JAK1: variants seen among roughly 807,000 people sequenced by gnomAD.
JAK1 encodes tyrosine-protein kinase JAK1.
A neutral mutation model predicts 136.6 loss-of-function variants in JAK1; 16 were observed. The observed-to-expected ratio is 0.12, with a 90% CI of 0.08 to 0.18. JAK1 has a LOEUF of 0.18. JAK1 is among the 10% of genes least tolerant of loss of function. JAK1 has a pLI of 1.00. For missense variants in JAK1, 859 were observed against 1,450.1 expected (o/e 0.59, Z 6.62); for synonymous variants, 492 against 519.5 (o/e 0.95, Z 0.72).
chr1:65,049,583 C>T (rs776226573), intron 1 of JAK1, among the ~76,000 whole-genome samples: 8 of 152,172 alleles, frequency 5.3e-5, no homozygotes, highest in Non-Finnish European at 1.2e-4. Flanking sequence ...CTTTGGGATA[C>T]CATCCATATT....
chr1:65,034,809 C>A (rs1647058342), intron 2 of JAK1, among the ~76,000 whole-genome samples: 2 of 152,254 alleles, frequency 1.3e-5, no homozygotes, highest in South Asian at 4.1e-4. Flanking sequence ...AATCCCAGCA[C>A]TTTGCGAGGC....
chr1:65,005,523 T>C (rs1646797312), intron 2 of JAK1, among the ~76,000 whole-genome samples: 1 of 152,162 alleles, frequency 6.6e-6, no homozygotes, highest in Non-Finnish European at 1.5e-5. Flanking sequence ...TGTATTTTTT[T>C]CCAAGAAGCT....
chr1:64,862,186 G>A (rs577925087), intron 8 of JAK1, among the ~76,000 whole-genome samples: 2 of 152,322 alleles, frequency 1.3e-5, no homozygotes, highest in Non-Finnish European at 2.9e-5. Context: ...CCTCAGCTCA[G>A]GCTCTAGAGC....
At chr1:64,963,825 C>T (rs952499594) in intron 1 of JAK1, among the ~76,000 whole-genome samples, 5 of 152,130 alleles carry the variant, frequency 3.3e-5, no homozygotes, top group African/African-American at 9.7e-5. Flanking sequence ...AACCTGGGCA[C>T]TACTGAGATG....
intron 1 of JAK1, among the ~76,000 whole-genome samples, chr1:64,894,449 A>G (rs1386426344): frequency 1.3e-5 from 2 of 152,142 alleles, no homozygotes; most frequent in African/African-American, 4.8e-5. Context: ...TCAAAATGTA[A>G]GTTAGGAGAG....
intron 2 of JAK1, among the ~76,000 whole-genome samples, chr1:64,999,893 C>G (rs1646737887): frequency 1.3e-5 from 2 of 151,936 alleles, no homozygotes; most frequent in Admixed American, 1.3e-4. Context: ...TCTCTATATT[C>G]TGGCATGTCT....
intron 2 of JAK1, among the ~76,000 whole-genome samples, chr1:64,883,967 T>C (rs1310731082): frequency 6.6e-6 from 1 of 152,098 alleles, no homozygotes; most frequent in Admixed American, 6.5e-5. Context: ...GCAAGCATGG[T>C]GAGGGCATGA....
At chr1:64,841,361 CAG>C (rs531842067) in intron 18 of JAK1, 22 bp from the exon 19 acceptor site, 3 of 1,612,810 alleles carry the variant, frequency 1.9e-6, no homozygotes, top group South Asian at 2.2e-5. Flanking sequence ...GAAAAGAAAA[CAG>C]AGTGAAAGGC....
rs1654633157 is a variant in JAK1 at position 64,838,468 on chromosome 1, A to G, written c.2964T>C (p.Cys988=). ...ACATGATGTCTTTATTTTTTACCTT[A>G]CAAATCTGAACGGCATATTTTAGCT... ...KQQLKYAVQI[C]KGMDYLGSRQ... is the part of the protein sequence containing the mutation. Residue 988 remains cysteine, a synonymous_variant, in exon 21 of 25, where the codon TGT becomes TGC. Transcript: ENST00000342505. 1 of 1,613,708 alleles carries G rather than the reference A, an allele frequency of 6.2e-7. No homozygotes were observed. The highest frequency in any genetic ancestry group is 1.3e-5 in the African/African-American group (1 of 74,882).
At chr1:64,883,581 G>T in intron 2 of JAK1, 106 bp from the exon 3 acceptor site, 2 of 889,672 alleles carry the variant, frequency 2.2e-6, no homozygotes, top group Non-Finnish European at 3.5e-6. Context: ...TTTGGTGTTG[G>T]TATTGGATAC....
chr1:65,018,485 A>AACACACACACACACAC (rs1557760199), intron 2 of JAK1, among the ~76,000 whole-genome samples: 1 of 129,454 alleles, frequency 7.7e-6, no homozygotes, highest in African/African-American at 3.4e-5. Flanking sequence ...AGAGAGAGAG[A>AACACACACACACACAC]GAACACACAC....
At chr1:65,059,564 CAT>C (rs1428099668) in intron 1 of JAK1, among the ~76,000 whole-genome samples, 1 of 152,112 alleles carries the variant, frequency 6.6e-6, no homozygotes, top group Non-Finnish European at 1.5e-5. Flanking sequence ...GTAATAATAA[CAT>C]ATACACATCA....
rs922574725 is a variant in JAK1 at position 64,833,639 on chromosome 1, G to C, written c.*923C>G. 1.1e-4 allele frequency: 25 copies of C among 232,886 alleles called. No individual in the cohort carries two copies. In the Admixed American group the frequency reaches 1.4e-3, roughly 13 times the overall value. 14.4% of individuals were successfully genotyped at this position (232,886 alleles called of 1,614,324 possible). On this transcript the variant is annotated 3_prime_UTR_variant, in exon 25 of 25. Transcript: ENST00000342505. ...CAGGGATCAACCCTTGTAGATCGGT[G>C]GTAAGTATGGAAACCCTCTAAGAAC...
intron 12 of JAK1, chr1:64,848,078 CT>C (rs1458049038): frequency 1.2e-5 from 2 of 170,738 alleles, no homozygotes; most frequent in African/African-American, 4.8e-5. Flanking sequence ...ACAGGCTGTG[CT>C]ACCCTGTGAA....
At chr1:65,059,882 G>C (rs943955129) in intron 1 of JAK1, among the ~76,000 whole-genome samples, 2 of 152,100 alleles carry the variant, frequency 1.3e-5, no homozygotes, top group Non-Finnish European at 2.9e-5. Context: ...TCAGGTAGAT[G>C]AATCAATTCT....
intron 1 of JAK1, chr1:64,942,230 G>A (rs1569645957): frequency 6.6e-6 from 1 of 152,112 alleles, no homozygotes; most frequent in African/African-American, 2.4e-5. Flanking sequence ...CATATACTTC[G>A]TGTGGGAATT....
At chr1:65,055,715 A>G (rs775791962) in intron 1 of JAK1, among the ~76,000 whole-genome samples, 41 of 152,126 alleles carry the variant, frequency 2.7e-4, no homozygotes, top group Non-Finnish European at 4.0e-4. Flanking sequence ...ACGTCTATGA[A>G]ATGCCTTGAA....
At chr1:64,894,802 A>G (rs987203734) in intron 1 of JAK1, among the ~76,000 whole-genome samples, 1 of 151,918 alleles carries the variant, frequency 6.6e-6, no homozygotes, top group Non-Finnish European at 1.5e-5. Flanking sequence ...AAAAACCAGG[A>G]AATCTCAAGA....
intron 1 of JAK1, among the ~76,000 whole-genome samples, chr1:64,931,759 T>C (rs1231309990): frequency 2.0e-5 from 3 of 152,072 alleles, no homozygotes; most frequent in African/African-American, 7.2e-5. Context: ...GGAGGCACTC[T>C]GGTAAGGGAA....
Sources: gnomAD v4.1 joint callset for allele counts (sites outside exome capture counted in the v4.1 genomes callset) on GRCh38, gnomAD v4.1.1 for gene constraint, MANE v1.5 for transcripts, NCBI Gene and HGNC (gene_info 2026-07-23, HGNC 2026-07-21) for gene names.